The following ARG2 variants were observed in gnomAD, a reference collection of about 807,000 sequenced individuals.
ARG2 encodes arginase 2.
Under a neutral mutation model 39.4 loss-of-function variants are expected in ARG2, and 21 were observed. The observed-to-expected ratio is 0.53, with a 90% CI of 0.38 to 0.77. The LOEUF (loss-of-function observed/expected upper bound fraction) is 0.77. Among genes scored for constraint, ARG2 ranks in the 30% least tolerant of loss-of-function variants. The pLI is 0.00. For synonymous variants in ARG2, 150 were observed against 156.7 expected (o/e 0.96, Z 0.32); for missense variants, 378 against 426.2 (o/e 0.89, Z 1.00).
At chr14:67,639,416 T>G (rs527473530) in intron 2 of ARG2, among the ~76,000 whole-genome samples, 4 of 152,176 alleles carry the variant, frequency 2.6e-5, no homozygotes, top group Non-Finnish European at 5.9e-5. Context: ...TTTGGGGCCT[T>G]TTATATGACT....
At chr14:67,647,929 C>A in intron 6 of ARG2, 118 bp from the exon 7 acceptor site, 1 of 988,108 alleles carries the variant, frequency 1.0e-6, no homozygotes, top group Non-Finnish European at 1.5e-6. Context: ...GCTTTATTAA[C>A]AAAGTACTAG....
At chr14:67,633,104 G>T (rs1236227829) in intron 2 of ARG2, among the ~76,000 whole-genome samples, 3 of 152,148 alleles carry the variant, frequency 2.0e-5, no homozygotes, top group Non-Finnish European at 4.4e-5. Flanking sequence ...ACAGGCGTGA[G>T]CCACTGCGCC....
chr14:67,649,950 T>A (rs554014689), intron 7 of ARG2: 1 of 152,380 alleles, frequency 6.6e-6, no homozygotes, highest in African/African-American at 2.4e-5. Flanking sequence ...CTGGATAGGT[T>A]CTTCTGGTTT....
intron 2 of ARG2, among the ~76,000 whole-genome samples, chr14:67,640,028 A>G (rs2037014062): frequency 6.6e-6 from 1 of 151,508 alleles, no homozygotes; most frequent in South Asian, 2.1e-4. Flanking sequence ...TAAAGCTTTC[A>G]TTCTCTTAAG....
At position 67,650,419 on chromosome 14, in the gene ARG2, A is replaced by G; in HGVS notation, c.860-296A>G. The G allele has an allele frequency of 7.8e-6, 3 of 382,512 alleles. 1 individual carries two copies. In the South Asian group the frequency reaches 9.6e-5, roughly 12 times the overall value. 23.7% of individuals were successfully genotyped at this position (382,512 alleles called of 1,614,324 possible). A position where few individuals can be genotyped will look rare whatever the true frequency, so the allele number is the denominator to read the frequency against. On this transcript the variant is annotated intron_variant, in intron 7 of 7. Coordinates refer to ENST00000261783, the MANE Select transcript of ARG2 (RefSeq NM_001172.4). ...ATGAAAACCTCCCCCACCCAACACCAAGCCTTTTCCTTTTCCAGAACGCCT... is the reference window on the plus strand; with the variant it reads ...ATGAAAACCTCCCCCACCCAACACCGAGCCTTTTCCTTTTCCAGAACGCCT...
chr14:67,625,674 C>A, intron 2 of ARG2, among the ~76,000 whole-genome samples: 1 of 116,360 alleles, frequency 8.6e-6, no homozygotes. Flanking sequence ...GAGCAAAACT[C>A]CATCTCAAAA....
At chr14:67,643,852 TAAAAAAA>T (rs553614739) in intron 3 of ARG2, among the ~76,000 whole-genome samples, 1 of 81,174 alleles carries the variant, frequency 1.2e-5, no homozygotes, top group Admixed American at 1.2e-4. Context: ...TCCTTGGGAG[TAAAAAAA>T]AAAAAAAAAA....
intron 6 of ARG2, 178 bp downstream of exon 6, chr14:67,647,203 G>T: frequency 2.0e-6 from 1 of 504,310 alleles, no homozygotes; most frequent in South Asian, 3.4e-5. Flanking sequence ...GGGGTTTTTG[G>T]GAGGAGGTTT....
chr14:67,641,187 A>C (rs531147619), intron 2 of ARG2, among the ~76,000 whole-genome samples: 45 of 152,294 alleles, frequency 3.0e-4, no homozygotes, highest in African/African-American at 1.1e-3. Flanking sequence ...AAGATGATTT[A>C]AAATATTATA....
At chr14:67,621,121 A>G (rs2036806082) in intron 2 of ARG2, among the ~76,000 whole-genome samples, 155 bp downstream of exon 2, 1 of 152,212 alleles carries the variant, frequency 6.6e-6, no homozygotes, top group African/African-American at 2.4e-5. Flanking sequence ...CTTAAGATCA[A>G]GGAGTCATCA....
Position 67,651,526 on chromosome 14 carries a change from C to T in ARG2, c.*606C>T. 2 of 1,603,798 alleles carry T rather than the reference C, an allele frequency of 1.2e-6. No individual in the cohort carries two copies. The highest frequency in any genetic ancestry group is 1.7e-6 in the Non-Finnish European group (2 of 1,174,274). ...GGGGAGTAGTCAGAAGTTTGGATAA[C>T]CTTCCTTCTAAACATTTTGGGGTTA... On this transcript the variant is annotated 3_prime_UTR_variant, in exon 8 of 8. Coordinates refer to ENST00000261783, the MANE Select transcript of ARG2 (RefSeq NM_001172.4).
chr14:67,629,858 G>A (rs571919708), intron 2 of ARG2, among the ~76,000 whole-genome samples: 1 of 152,030 alleles, frequency 6.6e-6, no homozygotes, highest in Admixed American at 6.6e-5. Context: ...GTGTGGATCC[G>A]ATAGATACTT....
At chr14:67,636,791 A>G (rs2036976153) in intron 2 of ARG2, among the ~76,000 whole-genome samples, 1 of 152,210 alleles carries the variant, frequency 6.6e-6, no homozygotes, top group African/African-American at 2.4e-5. Context: ...GCAAGTGAAA[A>G]ATGAGACCCT....
chr14:67,637,746 T>G (rs2140753980), intron 2 of ARG2, among the ~76,000 whole-genome samples: 1 of 152,368 alleles, frequency 6.6e-6, no homozygotes, highest in Non-Finnish European at 1.5e-5. Flanking sequence ...AACATAAATT[T>G]GTAATCCTAG....
At position 67,642,210 on chromosome 14, in the gene ARG2, A is replaced by G. The variant is rs765220457; in HGVS notation, c.209A>G (p.Asp70Gly). 125 of 1,613,820 alleles carry G rather than the reference A, an allele frequency of 7.7e-5. 3 individuals carry two copies. In the South Asian group the frequency reaches 1.4e-3, roughly 17 times the overall value. ...GGCTGCCACCTAAAAGACTTTGGAG[A>G]TTTGAGTTTTACTCCAGTCCCCAAA... ...SLGCHLKDFG[D>G]LSFTPVPKDD... is the part of the protein sequence containing the mutation. Residue 70 changes from aspartate to glycine, a missense_variant, in exon 3 of 8, where the codon GAT (aspartate) becomes GGT (glycine). By Grantham distance (94) the Asp-to-Gly change is moderately conservative. Coordinates refer to ENST00000261783, the MANE Select transcript of ARG2 (RefSeq NM_001172.4).
intron 2 of ARG2, among the ~76,000 whole-genome samples, chr14:67,627,712 ATTGC>A (rs1299409130): frequency 6.6e-6 from 1 of 152,234 alleles, no homozygotes; most frequent in African/African-American, 2.4e-5. Context: ...AGGTGGGAAG[ATTGC>A]TTGAGGCCAG....
intron 2 of ARG2, among the ~76,000 whole-genome samples, chr14:67,633,079 G>T (rs919725287): frequency 6.6e-6 from 1 of 151,736 alleles, no homozygotes; most frequent in African/African-American, 2.4e-5. Context: ...CTCGGCCTCC[G>T]AAAGTGCTGG....
At chr14:67,641,010 A>G (rs1344303579) in intron 2 of ARG2, among the ~76,000 whole-genome samples, 1 of 152,218 alleles carries the variant, frequency 6.6e-6, no homozygotes, top group African/African-American at 2.4e-5. Flanking sequence ...TCTGCTTTTA[A>G]GTACTTATGT....
intron 2 of ARG2, 66 bp from the exon 3 acceptor site, chr14:67,642,120 C>T: frequency 6.8e-7 from 1 of 1,479,990 alleles, no homozygotes; most frequent in African/African-American, 1.4e-5. Flanking sequence ...ATCATTGTGG[C>T]CCAGGCTAGT....
Sources: gnomAD v4.1 joint callset for allele counts (sites outside exome capture counted in the v4.1 genomes callset) on GRCh38, gnomAD v4.1.1 for gene constraint, MANE v1.5 for transcripts, NCBI Gene and HGNC (gene_info 2026-07-23, HGNC 2026-07-21) for gene names.